PTPRC: variants seen among roughly 807,000 people sequenced by gnomAD.
PTPRC encodes protein tyrosine phosphatase receptor type C.
PTPRC carries 44 observed loss-of-function variants against 155.9 expected under a neutral mutation model. The observed-to-expected ratio is 0.28, with a 90% CI of 0.22 to 0.36. The LOEUF (loss-of-function observed/expected upper bound fraction) is 0.36. Ranked by LOEUF, PTPRC falls within the 10% of genes least tolerant of loss-of-function variation. The pLI, the probability that PTPRC is intolerant of heterozygous loss-of-function variation, is 1.00. For missense variants in PTPRC, 1,401 were observed against 1,564.6 expected (o/e 0.90, Z 1.76); for synonymous variants, 525 against 533.1 (o/e 0.98, Z 0.21).
At chr1:198,691,884 G>A (rs902732334) in intron 2 of PTPRC, among the ~76,000 whole-genome samples, 2 of 151,890 alleles carry the variant, frequency 1.3e-5, no homozygotes, top group Non-Finnish European at 2.9e-5. Flanking sequence ...GATTGTTTTT[G>A]TTTATATCTC....
In PTPRC at chr1:198,710,774, A is replaced by G. The variant is rs1033555081; in HGVS notation, c.1171+950A>G. ...ATTGATTTTTCTGTATTGATCTTGC[A>G]GTCTGTCACATTACTGAATTTGTTT... On this transcript the variant is annotated intron_variant, in intron 11 of 32. Coordinates refer to ENST00000442510, the MANE Select transcript of PTPRC (RefSeq NM_002838.5). Among the ~76,000 whole-genome samples, 3 of 152,228 alleles carry G rather than the reference A, an allele frequency of 2.0e-5. No homozygotes were observed. The South Asian group carries it at 6.2e-4, about 31-fold the overall frequency.
At chr1:198,672,974 C>T (rs925711655) in intron 2 of PTPRC, among the ~76,000 whole-genome samples, 22 of 152,292 alleles carry the variant, frequency 1.4e-4, no homozygotes, top group African/African-American at 4.6e-4. Flanking sequence ...TCATTATCAG[C>T]ATCACATTTA....
chr1:198,756,186 A>AGAC lies in PTPRC; in HGVS notation c.*6_*8dup, dbSNP rs1655649152. 1 of 1,612,906 alleles carries AGAC rather than the reference A, an allele frequency of 6.2e-7. No individual in the cohort carries two copies. Among genetic ancestry groups the AGAC allele is most frequent in the East Asian group, 2.2e-5 (1 of 44,700 alleles). On this transcript the variant is annotated 3_prime_UTR_variant, in exon 33 of 33. Transcript: ENST00000442510. ...GCTTTAAATCAAGGTTCATAGGAAA[A>AGAC]GACATAAATGAGGAAACTCCAAACC...
intron 2 of PTPRC, among the ~76,000 whole-genome samples, chr1:198,655,277 GA>G (rs915923790): frequency 4.0e-5 from 6 of 151,778 alleles, no homozygotes; most frequent in Non-Finnish European, 8.8e-5. Context: ...AAGGAATTTG[GA>G]AACTACTATA....
intron 2 of PTPRC, among the ~76,000 whole-genome samples, chr1:198,642,991 T>C (rs1164485319): frequency 6.6e-6 from 1 of 150,848 alleles, no homozygotes; most frequent in Non-Finnish European, 1.5e-5. Context: ...TTTTCTTCTA[T>C]GATTGATTAA....
At chr1:198,709,601 G>A in intron 10 of PTPRC, 86 bp from the exon 11 acceptor site, 2 of 1,164,912 alleles carry the variant, frequency 1.7e-6, no homozygotes, top group Non-Finnish European at 2.3e-6. Flanking sequence ...ATATTAAATA[G>A]AGAATTATAA....
intron 13 of PTPRC, among the ~76,000 whole-genome samples, chr1:198,717,400 A>G (rs569843639): frequency 6.6e-6 from 1 of 152,312 alleles, no homozygotes; most frequent in East Asian, 1.9e-4. Context: ...CCAGGCCCAA[A>G]GTTAGATCTG....
chr1:198,677,694 T>C (rs1665037950), intron 2 of PTPRC, among the ~76,000 whole-genome samples: 2 of 152,200 alleles, frequency 1.3e-5, no homozygotes, highest in South Asian at 2.1e-4. Flanking sequence ...ACTGTGTGGA[T>C]TCAAATTTTT....
intron 2 of PTPRC, among the ~76,000 whole-genome samples, chr1:198,656,599 G>A (rs2102234135): frequency 6.6e-6 from 1 of 151,702 alleles, no homozygotes; most frequent in East Asian, 1.9e-4. Context: ...AGAACAGACA[G>A]CTAGTCTGAT....
chr1:198,720,610 T>C (rs2102452620), intron 14 of PTPRC, among the ~76,000 whole-genome samples: 1 of 152,298 alleles, frequency 6.6e-6, no homozygotes, highest in Middle Eastern at 3.4e-3. Flanking sequence ...ATTACAGGCG[T>C]GAGCTACTGT....
At chr1:198,679,653 T>G in intron 2 of PTPRC, 1 of 278,516 alleles carries the variant, frequency 3.6e-6, no homozygotes, top group Non-Finnish European at 7.1e-6. Context: ...CTCGTCACAC[T>G]TCAGCAGCCT....
chr1:198,731,098 A>G (rs1654366032), intron 17 of PTPRC, among the ~76,000 whole-genome samples: 1 of 152,068 alleles, frequency 6.6e-6, no homozygotes. Context: ...TGTGTTTCAT[A>G]TACTTGAAGC....
At chr1:198,721,329 G>C (rs1290063400) in intron 14 of PTPRC, among the ~76,000 whole-genome samples, 1 of 151,652 alleles carries the variant, frequency 6.6e-6, no homozygotes, top group Non-Finnish European at 1.5e-5. Context: ...GGTGGCTTTC[G>C]GATTAAAAGT....
chr1:198,669,130 T>C (rs1316251189), intron 2 of PTPRC, among the ~76,000 whole-genome samples: 5 of 152,206 alleles, frequency 3.3e-5, no homozygotes, highest in South Asian at 2.1e-4. Flanking sequence ...AACTAGCAGA[T>C]TGGGCAAAAA....
chr1:198,662,578 A>T (rs905899493), intron 2 of PTPRC, among the ~76,000 whole-genome samples: 5 of 152,048 alleles, frequency 3.3e-5, no homozygotes, highest in African/African-American at 1.2e-4. Context: ...TATATGATAG[A>T]AATAAGAGAA....
intron 32 of PTPRC, 124 bp downstream of exon 32, chr1:198,754,528 TTC>T: frequency 8.9e-7 from 1 of 1,124,582 alleles, no homozygotes; most frequent in Non-Finnish European, 1.3e-6. Context: ...TCCTTTTCTC[TTC>T]TCTATTTTCT....
chr1:198,730,229 T>C (rs1654325647), intron 17 of PTPRC, among the ~76,000 whole-genome samples: 1 of 152,182 alleles, frequency 6.6e-6, no homozygotes, highest in Admixed American at 6.6e-5. Flanking sequence ...TAATCTGTGT[T>C]GGAAGTGTTT....
Position 198,752,341 on chromosome 1 carries a change from C to T in PTPRC, c.3300C>T (p.Thr1100=). 1 of 1,612,550 alleles carries T rather than the reference C, an allele frequency of 6.2e-7. No individual in the cohort carries two copies. The stretch of plus-strand genomic sequence containing the variant: ...ACACAGACAAATCTTCAACTTATAC[C>T]CTTCGTGTCTTTGAACTGAGACATT... ...LKDTDKSSTY[T]LRVFELRHSK... Residue 1100 remains threonine, a synonymous_variant, in exon 30 of 33, where the codon ACC becomes ACT. Coordinates refer to ENST00000442510, the MANE Select transcript of PTPRC (RefSeq NM_002838.5).
At chr1:198,693,198 C>A in intron 3 of PTPRC, 1 of 879,174 alleles carries the variant, frequency 1.1e-6, no homozygotes, top group Non-Finnish European at 1.4e-6. Context: ...AATAAAAATT[C>A]CGTCCAAATG....
Sources: allele counts gnomAD v4.1 joint callset (sites outside exome capture counted in the v4.1 genomes callset), GRCh38; gene constraint gnomAD v4.1.1; transcripts MANE v1.5; gene names NCBI Gene and HGNC (gene_info 2026-07-23, HGNC 2026-07-21).